Variants in CSMD1 observed in about 807,000 individuals in gnomAD.
CSMD1 encodes the protein CUB and sushi domain-containing protein 1.
Under a neutral mutation model 417.5 loss-of-function variants are expected in CSMD1, and 213 were observed. The ratio of observed to expected loss-of-function variants is 0.51; its 90% CI spans 0.46 to 0.57. CSMD1 has a LOEUF of 0.57. Among genes scored for constraint, CSMD1 ranks in the 20% least tolerant of loss-of-function variants. The pLI, the probability that CSMD1 is intolerant of heterozygous loss-of-function variation, is 0.00. For missense variants in CSMD1, 6,923 were observed against 4,529.7 expected (o/e 1.53, Z -15.17); for synonymous variants, 2,862 against 1,736.8 (o/e 1.65, Z -16.11).
rs79879186 is a variant in CSMD1 at position 4,437,691 on chromosome 8, A to T, written c.303-17626T>A. ...TTAACCTAATATTTATAAGACCTTT[A>T]GCATAGAATAAGATTCTACTATCTT... On this transcript the variant is annotated intron_variant, in intron 2 of 69. Transcript: ENST00000635120. 9.4e-4 allele frequency among the ~76,000 whole-genome samples: 143 copies of T among 152,298 alleles called. 2 individuals carry two copies. The East Asian group carries it at 0.026, about 28-fold the overall frequency.
At chr8:4,622,014 A>G (rs925535747) in intron 2 of CSMD1, among the ~76,000 whole-genome samples, 2 of 152,130 alleles carry the variant, frequency 1.3e-5, no homozygotes, top group Non-Finnish European at 2.9e-5. Context: ...TACTAATGAT[A>G]GGAAACTTTC....
intron 2 of CSMD1, among the ~76,000 whole-genome samples, chr8:4,442,128 C>G (rs935727433): frequency 5.3e-5 from 8 of 152,112 alleles, no homozygotes; most frequent in East Asian, 1.9e-4. Context: ...ACTCTTATCT[C>G]CTGTCCTGAT....
intron 5 of CSMD1, among the ~76,000 whole-genome samples, chr8:3,817,627 G>A (rs1801462368): frequency 6.6e-6 from 1 of 151,920 alleles, no homozygotes; most frequent in Admixed American, 6.6e-5. Context: ...TATTCATCTG[G>A]CATTTTAGGA....
intron 12 of CSMD1, among the ~76,000 whole-genome samples, chr8:3,464,391 A>G (rs926060697): frequency 2.0e-5 from 3 of 152,064 alleles, no homozygotes; most frequent in Non-Finnish European, 4.4e-5. Context: ...AGGGAACCCA[A>G]CTTTCAATTG....
intron 10 of CSMD1, among the ~76,000 whole-genome samples, chr8:3,542,099 TA>T (rs1798465361): frequency 6.6e-6 from 1 of 152,178 alleles, no homozygotes; most frequent in African/African-American, 2.4e-5. Context: ...CTATAGTCTT[TA>T]AAAAATTCAA....
intron 3 of CSMD1, among the ~76,000 whole-genome samples, chr8:4,084,918 A>T (rs1800340366): frequency 6.7e-6 from 1 of 148,530 alleles, no homozygotes; most frequent in Non-Finnish European, 1.5e-5. Flanking sequence ...AAACAAAAAC[A>T]AAACTACAAA....
chr8:3,756,876 G>A (rs113205034), intron 5 of CSMD1, among the ~76,000 whole-genome samples: 15 of 152,098 alleles, frequency 9.9e-5, no homozygotes, highest in African/African-American at 3.4e-4. Context: ...GCTCACAGCA[G>A]TCTCCGACTC....
In CSMD1 at chr8:4,404,920, T is replaced by A. The variant is rs1054763602; in HGVS notation, c.415+15033A>T. 2.6e-5 allele frequency among the ~76,000 whole-genome samples: 4 copies of A among 152,320 alleles called. No individual in the cohort carries two copies. The East Asian group carries it at 5.8e-4, about 22-fold the overall frequency. On this transcript the variant is annotated intron_variant, in intron 3 of 69. Coordinates refer to ENST00000635120, the MANE Select transcript of CSMD1 (RefSeq NM_033225.6). Reference sequence around the variant, plus strand: ...TTGAATTTTTCCAAAAAGCCTATGATGTCAGTCATCCGATATGATTATCCT... The same window carrying A: ...TTGAATTTTTCCAAAAAGCCTATGAAGTCAGTCATCCGATATGATTATCCT...
At chr8:3,967,969 C>T (rs1812800718) in intron 5 of CSMD1, among the ~76,000 whole-genome samples, 1 of 146,172 alleles carries the variant, frequency 6.8e-6, no homozygotes, top group African/African-American at 2.6e-5. Flanking sequence ...AGATCGAGAC[C>T]ATCCTGGCCA....
In CSMD1 at chr8:3,108,555, A is replaced by G. The variant is rs1554426183; in HGVS notation, c.6754+48T>C. 16 of 1,597,888 alleles carry G rather than the reference A, an allele frequency of 1.0e-5. No homozygotes were observed. The South Asian group carries it at 1.6e-4, about 16-fold the overall frequency. On this transcript the variant is annotated intron_variant, in intron 44 of 69. Coordinates refer to ENST00000635120, the MANE Select transcript of CSMD1 (RefSeq NM_033225.6). ...GGCGTGGGACAACACTGCAGGAAACACCACATGGAATTCTCAGTCTTAACT... is the reference window on the plus strand; with the variant it reads ...GGCGTGGGACAACACTGCAGGAAACGCCACATGGAATTCTCAGTCTTAACT...
At chr8:3,549,715 A>G (rs148831345) in intron 10 of CSMD1, among the ~76,000 whole-genome samples, 2,237 of 152,226 alleles carry the variant, frequency 0.015, 61 homozygotes, top group African/African-American at 0.051. Context: ...TTGGGCCTCT[A>G]CAGAAAGTTC....
chr8:4,039,212 C>G (rs1242111605), intron 3 of CSMD1, among the ~76,000 whole-genome samples: 3 of 152,136 alleles, frequency 2.0e-5, no homozygotes, highest in Non-Finnish European at 4.4e-5. Context: ...TAGGGTTTCT[C>G]TCCATTTCTC....
intron 5 of CSMD1, among the ~76,000 whole-genome samples, chr8:3,950,741 A>G (rs1811545988): frequency 8.0e-6 from 1 of 125,768 alleles, no homozygotes; most frequent in Non-Finnish European, 1.8e-5. Flanking sequence ...GGGGTTTTCA[A>G]TCTTTTTTAT....
At chr8:4,940,896 T>G (rs1040259988) in intron 1 of CSMD1, among the ~76,000 whole-genome samples, 1 of 152,200 alleles carries the variant, frequency 6.6e-6, no homozygotes, top group African/African-American at 2.4e-5. Context: ...TTATCACCAT[T>G]TCTTTATTCT....
At chr8:4,811,554 G>A (rs1034458744) in intron 1 of CSMD1, among the ~76,000 whole-genome samples, 1 of 151,916 alleles carries the variant, frequency 6.6e-6, no homozygotes, top group Non-Finnish European at 1.5e-5. Context: ...ATATTGACAT[G>A]GAAAAATAAA....
intron 2 of CSMD1, among the ~76,000 whole-genome samples, chr8:4,426,698 A>G (rs1352617497): frequency 6.9e-6 from 1 of 145,984 alleles, no homozygotes; most frequent in African/African-American, 2.5e-5. Context: ...TATTTTTATT[A>G]TATAATGCAG....
At chr8:3,826,747 G>T (rs1477965930) in intron 5 of CSMD1, among the ~76,000 whole-genome samples, 12 of 151,992 alleles carry the variant, frequency 7.9e-5, no homozygotes, top group Non-Finnish European at 1.6e-4. Flanking sequence ...ATCCCTAGGA[G>T]GACTCACTTA....
At chr8:4,742,275 C>A (rs929277922) in intron 1 of CSMD1, among the ~76,000 whole-genome samples, 1 of 151,554 alleles carries the variant, frequency 6.6e-6, no homozygotes, top group African/African-American at 2.4e-5. Context: ...CATGATCCAC[C>A]CGCCTCGGCC....
intron 3 of CSMD1, among the ~76,000 whole-genome samples, chr8:4,340,729 A>G (rs1191495161): frequency 5.3e-5 from 8 of 152,042 alleles, no homozygotes; most frequent in Non-Finnish European, 1.2e-4. Flanking sequence ...CGTGGAACAA[A>G]CTGAAAATTT....
Sources: allele counts gnomAD v4.1 joint callset (sites outside exome capture counted in the v4.1 genomes callset), GRCh38; gene constraint gnomAD v4.1.1; transcripts MANE v1.5; gene names NCBI Gene and HGNC (gene_info 2026-07-23, HGNC 2026-07-21).